RAF1: variants seen among roughly 807,000 people sequenced by gnomAD.
RAF1 encodes Raf-1 proto-oncogene, serine/threonine kinase.
RAF1 carries 27 observed loss-of-function variants against 81.1 expected under a neutral mutation model. That is an observed-to-expected ratio of 0.33 (90% CI 0.25 to 0.46). RAF1 has a LOEUF of 0.46. Among genes scored for constraint, RAF1 ranks in the 20% least tolerant of loss-of-function variants. RAF1 has a pLI of 1.00. For missense variants in RAF1, 598 were observed against 826.0 expected (o/e 0.72, Z 3.38); for synonymous variants, 298 against 294.0 (o/e 1.01, Z -0.14).
Position 12,622,546 on chromosome 3 carries a change from C to A in RAF1, c.-26-3799G>T, listed in dbSNP as rs372504027. Among the ~76,000 whole-genome samples, 20 of 152,324 alleles carry A rather than the reference C, an allele frequency of 1.3e-4. 2 individuals are homozygous for A. The highest frequency in any genetic ancestry group is 3.3e-4 in the Admixed American group (5 of 15,294). ...CATCTTGTCTCCACCCAAGAGACAT[C>A]TCTTTAGAGAGGCTTTCCCTAACCA... is the stretch of plus-strand genomic sequence containing the variant. On this transcript the variant is annotated intron_variant, in intron 1 of 17. Coordinates refer to ENST00000442415, the MANE Select transcript of RAF1 (RefSeq NM_001354689.3).
At chr3:12,585,285 T>G (rs1575531870) in intron 15 of RAF1, 32 bp from the exon 15 acceptor site, 2 of 1,613,074 alleles carry the variant, frequency 1.2e-6, no homozygotes, top group Non-Finnish European at 1.7e-6. Flanking sequence ...AAAAGTGCAT[T>G]TATCACCATA....
At chr3:12,652,962 T>G (rs2060579062) in intron 1 of RAF1, among the ~76,000 whole-genome samples, 1 of 136,160 alleles carries the variant, frequency 7.3e-6, no homozygotes, top group Non-Finnish European at 1.6e-5. Flanking sequence ...ATTTTTTTAA[T>G]TAAATAAATA....
chr3:12,587,512 A>C, intron 14 of RAF1, 79 bp downstream of exon 13: 1 of 1,328,408 alleles, frequency 7.5e-7, no homozygotes, highest in South Asian at 1.2e-5. Flanking sequence ...ACCGAGAGCC[A>C]CTTGTGATAG....
At chr3:12,650,823 A>G (rs527534583) in intron 1 of RAF1, among the ~76,000 whole-genome samples, 2 of 152,330 alleles carry the variant, frequency 1.3e-5, no homozygotes, top group Non-Finnish European at 2.9e-5. Flanking sequence ...AAAGGTAGGG[A>G]GGATTCTTAA....
chr3:12,639,975 A>G (rs1173269495), intron 1 of RAF1, among the ~76,000 whole-genome samples: 1 of 152,204 alleles, frequency 6.6e-6, no homozygotes, highest in Non-Finnish European at 1.5e-5. Flanking sequence ...ACTATACTAC[A>G]AGGCTACAGT....
At chr3:12,631,796 A>ATT (rs1434387846) in intron 1 of RAF1, among the ~76,000 whole-genome samples, 5 of 152,204 alleles carry the variant, frequency 3.3e-5, no homozygotes, top group Admixed American at 6.6e-5. Flanking sequence ...CAGCATAAGC[A>ATT]TGAAGGATGG....
At chr3:12,650,947 C>T (rs1475794691) in intron 1 of RAF1, among the ~76,000 whole-genome samples, 2 of 152,166 alleles carry the variant, frequency 1.3e-5, no homozygotes, top group African/African-American at 4.8e-5. Flanking sequence ...AATATTTCAA[C>T]AGACTAACGC....
At chr3:12,635,972 CA>C (rs989931764) in intron 1 of RAF1, among the ~76,000 whole-genome samples, 22 of 130,500 alleles carry the variant, frequency 1.7e-4, no homozygotes, top group South Asian at 7.2e-4. Flanking sequence ...GACTCCACCT[CA>C]AAAAAAAAAA....
intron 3 of RAF1, 113 bp from the exon 4 acceptor site, chr3:12,609,448 TACA>T (rs1466896183): frequency 5.6e-6 from 4 of 720,686 alleles, no homozygotes; most frequent in East Asian, 2.7e-5. Flanking sequence ...ATTTAATCCA[TACA>T]ACAATAATTT....
intron 8 of RAF1, chr3:12,603,410 C>A: frequency 1.6e-6 from 1 of 615,538 alleles, no homozygotes; most frequent in South Asian, 1.8e-5. Context: ...TTTTGGTAGT[C>A]TGCTGTCTGA....
chr3:12,623,572 T>C (rs1575608905), intron 1 of RAF1, among the ~76,000 whole-genome samples: 2 of 152,010 alleles, frequency 1.3e-5, no homozygotes, highest in Non-Finnish European at 2.9e-5. Flanking sequence ...CCGAGGCAGA[T>C]GGATCACGAG....
At chr3:12,653,926 G>T (rs888443761) in intron 1 of RAF1, among the ~76,000 whole-genome samples, 1 of 151,620 alleles carries the variant, frequency 6.6e-6, no homozygotes, top group Non-Finnish European at 1.5e-5. Context: ...TTATACAGTA[G>T]ATGCAGGTCA....
In RAF1 at chr3:12,584,548, G is replaced by A. The variant is rs730881007; in HGVS notation, c.1973C>T (p.Thr658Met). 5.5e-5 allele frequency: 89 copies of A among 1,614,054 alleles called. No individual in the cohort carries two copies. Among genetic ancestry groups the A allele is most frequent in the Middle Eastern group, 3.3e-4 (2 of 6,084 alleles). The stretch of plus-strand genomic sequence containing the variant: ...AGGCAGCCTCGGGGACGTGGTCAGC[G>A]TGCAAGCATTGATATCCTCAGTGTG... Residue 658 changes from threonine to methionine, a missense_variant, in exon 18 of 18, where the codon ACG becomes ATG. This residue lies in a region of RAF1 where 147 missense variants were observed against 196.1 expected (regional missense o/e 0.75). Transcript: ENST00000442415.
At chr3:12,609,888 G>A (rs1400078989) in intron 3 of RAF1, among the ~76,000 whole-genome samples, 2 of 152,272 alleles carry the variant, frequency 1.3e-5, no homozygotes, top group East Asian at 1.9e-4. Flanking sequence ...CCCAAATCCT[G>A]TAAAATGGAT....
intron 1 of RAF1, among the ~76,000 whole-genome samples, chr3:12,658,933 C>A (rs549161291): frequency 1.3e-5 from 2 of 152,232 alleles, no homozygotes; most frequent in South Asian, 2.1e-4. Context: ...CTTAGTTAAG[C>A]TGAGATTCTA....
intron 1 of RAF1, among the ~76,000 whole-genome samples, chr3:12,654,781 A>C (rs1392845082): frequency 8.8e-6 from 1 of 113,050 alleles, no homozygotes; most frequent in Non-Finnish European, 1.9e-5. Context: ...CCCTTTGAAC[A>C]ACATTATACA....
intron 3 of RAF1, among the ~76,000 whole-genome samples, chr3:12,611,540 A>T (rs910806874): frequency 6.6e-6 from 1 of 152,162 alleles, no homozygotes; most frequent in Non-Finnish European, 1.5e-5. Flanking sequence ...CTCTACTAAA[A>T]ATACAAAAAA....
intron 11 of RAF1, among the ~76,000 whole-genome samples, chr3:12,596,718 T>C (rs552129274): frequency 9.2e-5 from 14 of 152,320 alleles, no homozygotes; most frequent in Non-Finnish European, 1.8e-4. Context: ...ATATACTGTA[T>C]ACAGGAACCA....
rs147635354 is a variant in RAF1, at chr3:12,648,430, T to G, written c.-27+15383A>C. The stretch of plus-strand genomic sequence containing the variant: ...CAGTAAATCTTGCATATTCAACAAG[T>G]GGTTAAAAAAAATTAGCCCTCCTCA... On this transcript the variant is annotated intron_variant, in intron 1 of 17. Transcript: ENST00000442415. Among the ~76,000 whole-genome samples the G allele has an allele frequency of 2.0e-3, 300 of 152,184 alleles. 1 individual carries two copies. The highest frequency in any genetic ancestry group is 6.3e-3 in the African/African-American group (262 of 41,530).
Sources: allele counts gnomAD v4.1 joint callset (sites outside exome capture counted in the v4.1 genomes callset), GRCh38; gene constraint gnomAD v4.1.1; regional missense constraint gnomAD v4.1.1; transcripts MANE v1.5; gene names NCBI Gene and HGNC (gene_info 2026-07-23, HGNC 2026-07-21).